Variants in LRP1B observed in about 807,000 individuals in gnomAD.
The protein encoded by LRP1B is LDL receptor related protein 1B.
Under a neutral mutation model 556.6 loss-of-function variants are expected in LRP1B, and 217 were observed. That is an observed-to-expected ratio of 0.39 (90% confidence interval 0.35 to 0.44). The LOEUF (loss-of-function observed/expected upper bound fraction) is 0.44, where lower values mean the gene tolerates loss of function less well. LRP1B is among the 20% of genes least tolerant of loss of function. The pLI is 1.00. For missense variants in LRP1B, 5,053 were observed against 5,620.8 expected, an observed-to-expected ratio of 0.90 and a Z score of 3.23; for synonymous variants, 2,047 against 1,865.8, an observed-to-expected ratio of 1.10 and a Z score of -2.50.
chr2:141,862,270 A>T (rs1698271411), intron 1 of LRP1B, among the ~76,000 whole-genome samples: 1 of 152,164 alleles, frequency 6.6e-6, no homozygotes, highest in African/African-American at 2.4e-5. Flanking sequence ...ACTTATCTGA[A>T]ACCTCATTTG....
intron 35 of LRP1B, among the ~76,000 whole-genome samples, chr2:140,756,696 A>G (rs1374139377): frequency 6.6e-6 from 1 of 152,164 alleles, no homozygotes; most frequent in Non-Finnish European, 1.5e-5. Flanking sequence ...ATCTAAATTT[A>G]AAAGTTAAAA....
intron 2 of LRP1B, among the ~76,000 whole-genome samples, chr2:141,616,723 A>C (rs1688313842): frequency 6.6e-6 from 1 of 152,216 alleles, no homozygotes; most frequent in South Asian, 2.1e-4. Flanking sequence ...ACTGCACACA[A>C]AAGATTTCAA....
intron 25 of LRP1B, among the ~76,000 whole-genome samples, chr2:140,872,693 G>T (rs1693176726): frequency 6.6e-6 from 1 of 151,600 alleles, no homozygotes. Flanking sequence ...TCTTCCTCTA[G>T]CACCACCAGA....
intron 43 of LRP1B, among the ~76,000 whole-genome samples, chr2:140,587,146 A>G (rs1682018825): frequency 6.6e-6 from 1 of 152,144 alleles, no homozygotes; most frequent in African/African-American, 2.4e-5. Flanking sequence ...AGAATAATAG[A>G]AAATAGCCAG....
At chr2:142,030,695 A>T (rs1040239799) in intron 1 of LRP1B, among the ~76,000 whole-genome samples, 6 of 151,866 alleles carry the variant, frequency 4.0e-5, no homozygotes, top group African/African-American at 1.4e-4. Flanking sequence ...GTGCAAGGCA[A>T]GTAAAATAAA....
chr2:140,296,936 T>C (rs781029970), intron 84 of LRP1B, among the ~76,000 whole-genome samples: 3 of 151,326 alleles, frequency 2.0e-5, no homozygotes, highest in Admixed American at 1.3e-4. Context: ...GAGGAGAGAG[T>C]AGTAAAATAA....
At chr2:140,389,676 ATGT>A (rs1683924517) in intron 66 of LRP1B, among the ~76,000 whole-genome samples, 1 of 146,622 alleles carries the variant, frequency 6.8e-6, no homozygotes, top group African/African-American at 2.5e-5. Flanking sequence ...AAAACTGAAA[ATGT>A]TGTTTAAAAT....
intron 35 of LRP1B, among the ~76,000 whole-genome samples, chr2:140,722,267 T>C (rs1687429187): frequency 1.3e-5 from 2 of 152,226 alleles, no homozygotes; most frequent in African/African-American, 4.8e-5. Flanking sequence ...AATTTCTGTC[T>C]GTTACAACTA....
intron 43 of LRP1B, among the ~76,000 whole-genome samples, chr2:140,565,128 T>C (rs1681077479): frequency 6.8e-6 from 1 of 146,704 alleles, no homozygotes; most frequent in Admixed American, 6.8e-5. Flanking sequence ...ATGGCAAACA[T>C]ACTCCATATT....
chr2:140,905,833 T>G (rs1163524232), intron 22 of LRP1B, among the ~76,000 whole-genome samples: 1 of 152,184 alleles, frequency 6.6e-6, no homozygotes, highest in Non-Finnish European at 1.5e-5. Context: ...AGTTAGCATC[T>G]GGCTTTGACA....
At chr2:140,957,796 T>C (rs538171827) in intron 18 of LRP1B, among the ~76,000 whole-genome samples, 1 of 151,592 alleles carries the variant, frequency 6.6e-6, no homozygotes, top group East Asian at 1.9e-4. Context: ...GAGAATTCTC[T>C]AGTTCTACAA....
chr2:140,568,960 C>T (rs745394619), intron 43 of LRP1B, among the ~76,000 whole-genome samples: 6 of 152,088 alleles, frequency 3.9e-5, no homozygotes, highest in Non-Finnish European at 5.9e-5. Context: ...TTCATTATCA[C>T]CAGACCAACC....
rs546768573 is a variant in LRP1B at position 141,881,326 on chromosome 2, A to G, written c.83-70925T>C. Among the ~76,000 whole-genome samples, 67 of 152,282 alleles carry G rather than the reference A, an allele frequency of 4.4e-4. No individual in the cohort carries two copies. In the Middle Eastern group the frequency reaches 0.017, roughly 39 times the overall value. The stretch of plus-strand genomic sequence containing the variant: ...AAGTAACTGATGGAAGACTTAAAAT[A>G]TAATTTTACAACAAACAATTGTGAG... On this transcript the variant is annotated intron_variant, in intron 1 of 90. Coordinates refer to ENST00000389484, the MANE Select transcript of LRP1B (RefSeq NM_018557.3).
At chr2:141,718,036 T>A (rs1157423681) in intron 2 of LRP1B, among the ~76,000 whole-genome samples, 1 of 152,184 alleles carries the variant, frequency 6.6e-6, no homozygotes, top group Non-Finnish European at 1.5e-5. Flanking sequence ...ATGGCTAAAA[T>A]GTTGCAAAGG....
chr2:141,797,695 G>A (rs1191907019), intron 2 of LRP1B, among the ~76,000 whole-genome samples: 5 of 152,106 alleles, frequency 3.3e-5, no homozygotes. Flanking sequence ...TATGCCTTAT[G>A]TTCTGAAAAA....
intron 60 of LRP1B, among the ~76,000 whole-genome samples, chr2:140,472,222 GA>G (rs1266901572): frequency 6.6e-6 from 1 of 152,062 alleles, no homozygotes; most frequent in Non-Finnish European, 1.5e-5. Context: ...AATATTGAAT[GA>G]ATGAATGAAT....
intron 2 of LRP1B, among the ~76,000 whole-genome samples, chr2:141,507,032 GGT>G (rs1683957197): frequency 6.6e-6 from 1 of 152,110 alleles, no homozygotes; most frequent in Non-Finnish European, 1.5e-5. Context: ...TTCTACAGAA[GGT>G]GTTTGATTCA....
intron 21 of LRP1B, 91 bp downstream of exon 21, chr2:140,922,874 T>A: frequency 8.8e-7 from 1 of 1,130,760 alleles, no homozygotes. Flanking sequence ...TAAGATTACT[T>A]TTTACAAAGG....
At chr2:140,594,054 T>C (rs1682335169) in intron 43 of LRP1B, among the ~76,000 whole-genome samples, 1 of 152,044 alleles carries the variant, frequency 6.6e-6, no homozygotes, top group Non-Finnish European at 1.5e-5. Flanking sequence ...GTCGGCTTAC[T>C]GCAACCTCCA....
Sources: gnomAD v4.1 joint callset for allele counts (sites outside exome capture counted in the v4.1 genomes callset) on GRCh38, gnomAD v4.1.1 for gene constraint, MANE v1.5 for transcripts, NCBI Gene and HGNC (gene_info 2026-07-23, HGNC 2026-07-21) for gene names.